TSPAN13: variants seen among roughly 807,000 people sequenced by gnomAD.
The protein encoded by TSPAN13 is tetraspanin 13, also known as tetraspanin-13.
TSPAN13 carries 18 observed loss-of-function variants against 26.9 expected under a neutral mutation model. That is an observed-to-expected ratio of 0.67 (90% CI 0.46 to 0.99). TSPAN13 has a LOEUF of 0.99. Ranked by LOEUF, TSPAN13 falls within the 50% of genes least tolerant of loss-of-function variation. The pLI, the probability that TSPAN13 is intolerant of heterozygous loss-of-function variation, is 0.00. For missense variants in TSPAN13, 201 were observed against 249.6 expected (o/e 0.81, Z 1.31); for synonymous variants, 116 against 98.4 (o/e 1.18, Z -1.06).
intron 5 of TSPAN13, among the ~76,000 whole-genome samples, chr7:16,781,427 T>C (rs1562521996): frequency 6.6e-6 from 1 of 152,246 alleles, no homozygotes; most frequent in South Asian, 2.1e-4. Context: ...TGACATCTAA[T>C]CAAAGTTACC....
chr7:16,763,770 G>A (rs557242260), intron 1 of TSPAN13, among the ~76,000 whole-genome samples: 7 of 152,322 alleles, frequency 4.6e-5, no homozygotes, highest in African/African-American at 1.7e-4. Context: ...TGCTGCTGCT[G>A]ATGGTCAGAG....
At chr7:16,758,001 T>G (rs1784500473) in intron 1 of TSPAN13, among the ~76,000 whole-genome samples, 1 of 152,104 alleles carries the variant, frequency 6.6e-6, no homozygotes, top group Non-Finnish European at 1.5e-5. Context: ...GTCCAGCTTA[T>G]TTTTTGTATT....
At chr7:16,757,463 G>T (rs1033241886) in intron 1 of TSPAN13, among the ~76,000 whole-genome samples, 2 of 151,988 alleles carry the variant, frequency 1.3e-5, no homozygotes, top group African/African-American at 2.4e-5. Flanking sequence ...GTGTCTCCTT[G>T]TGCTTCTTAA....
At chr7:16,777,963 T>C (rs545689394) in intron 4 of TSPAN13, 52 bp downstream of exon 4, 2 of 1,307,508 alleles carry the variant, frequency 1.5e-6, no homozygotes, top group African/African-American at 2.9e-5. Flanking sequence ...AGATAAATAA[T>C]GATTAATGTG....
intron 1 of TSPAN13, among the ~76,000 whole-genome samples, chr7:16,764,093 C>T (rs1222743460): frequency 6.6e-6 from 1 of 152,176 alleles, no homozygotes; most frequent in African/African-American, 2.4e-5. Flanking sequence ...TCTTGACTCA[C>T]CGCAACCTCT....
chr7:16,777,335 G>C (rs1313753423), intron 3 of TSPAN13, among the ~76,000 whole-genome samples: 1 of 152,124 alleles, frequency 6.6e-6, no homozygotes, highest in Non-Finnish European at 1.5e-5. Flanking sequence ...TTTTAAATCG[G>C]ATTTTGCTTT....
intron 3 of TSPAN13, among the ~76,000 whole-genome samples, 165 bp downstream of exon 3, chr7:16,777,287 G>A (rs1784761919): frequency 6.6e-6 from 1 of 152,206 alleles, no homozygotes; most frequent in Non-Finnish European, 1.5e-5. Flanking sequence ...GCAGCAGGTT[G>A]GAGCCGGACA....
chr7:16,771,158 G>T (rs926136870), intron 1 of TSPAN13, among the ~76,000 whole-genome samples: 6 of 152,192 alleles, frequency 3.9e-5, no homozygotes, highest in African/African-American at 1.4e-4. Flanking sequence ...TATGCTTACA[G>T]TTCTAGCTTT....
At chr7:16,766,895 CT>C (rs1203849720) in intron 1 of TSPAN13, among the ~76,000 whole-genome samples, 6 of 152,176 alleles carry the variant, frequency 3.9e-5, no homozygotes, top group African/African-American at 1.4e-4. Flanking sequence ...CCCCTGTGAA[CT>C]CACTGGCTTT....
chr7:16,775,740 A>G (rs1245820328), intron 1 of TSPAN13: 1 of 152,706 alleles, frequency 6.5e-6, no homozygotes, highest in Non-Finnish European at 1.5e-5. Flanking sequence ...CGGCCCGACA[A>G]CGGAGGGATT....
chr7:16,763,926 A>G (rs991473311), intron 1 of TSPAN13, among the ~76,000 whole-genome samples: 7 of 152,244 alleles, frequency 4.6e-5, no homozygotes, highest in Non-Finnish European at 8.8e-5. Flanking sequence ...CAATTTCTTC[A>G]TCATCTGCAA....
At chr7:16,770,587 G>A (rs1784663179) in intron 1 of TSPAN13, among the ~76,000 whole-genome samples, 1 of 152,110 alleles carries the variant, frequency 6.6e-6, no homozygotes, top group African/African-American at 2.4e-5. Context: ...AAGTTCTTGG[G>A]AGCTTTTATC....
intron 1 of TSPAN13, among the ~76,000 whole-genome samples, chr7:16,766,261 A>T (rs1184595939): frequency 6.6e-6 from 1 of 152,244 alleles, no homozygotes; most frequent in Admixed American, 6.5e-5. Flanking sequence ...TTCATTAGAA[A>T]ATTGATTAGC....
intron 1 of TSPAN13, among the ~76,000 whole-genome samples, chr7:16,767,574 A>C (rs1784620692): frequency 6.6e-6 from 1 of 152,156 alleles, no homozygotes; most frequent in Admixed American, 6.5e-5. Context: ...CTAGAAACAG[A>C]ATTGCTGGGG....
intron 5 of TSPAN13, among the ~76,000 whole-genome samples, chr7:16,780,545 AT>A (rs1381149579): frequency 1.3e-5 from 2 of 152,182 alleles, no homozygotes; most frequent in Middle Eastern, 3.2e-3. Context: ...CTTGACAAGA[AT>A]TCTGTGCATT....
At position 16,777,798 on chromosome 7, in the gene TSPAN13, G is replaced by A. The variant is rs1784770123; in HGVS notation, c.313G>A (p.Gly105Ser). Residue 105 changes from glycine to serine, a missense_variant and splice_region_variant, in exon 4 of 6, where the codon GGT becomes AGT. Coordinates refer to ENST00000262067, the MANE Select transcript of TSPAN13 (RefSeq NM_014399.4). ...TTTATATATTAAACACATTTACTAGGGTCAGCTTCTGGAGGTTGGTTGGAA... is the reference window on the plus strand; with the variant it reads ...TTTATATATTAAACACATTTACTAGAGTCAGCTTCTGGAGGTTGGTTGGAA... ...ACLALNQEQQGQLLEVGWNNT... is the reference protein window; with the variant it reads ...ACLALNQEQQSQLLEVGWNNT... 6.2e-7 allele frequency: 1 copy of A among 1,612,280 alleles called. No homozygotes were observed. The highest frequency in any genetic ancestry group is 1.7e-5 in the Admixed American group (1 of 59,914).
intron 1 of TSPAN13, among the ~76,000 whole-genome samples, chr7:16,764,518 C>T (rs763211028): frequency 3.3e-5 from 5 of 151,926 alleles, no homozygotes; most frequent in East Asian, 1.9e-4. Context: ...TGTGAATGTA[C>T]GTGTATGTGA....
In TSPAN13 at chr7:16,783,655, T is replaced by C. The variant is rs1454434574; in HGVS notation, c.*164T>C. On this transcript the variant is annotated 3_prime_UTR_variant, in exon 6 of 6. Coordinates refer to ENST00000262067, the MANE Select transcript of TSPAN13 (RefSeq NM_014399.4). ...TACTCTATGTTTCTCTACATGTTTT[T>C]TTCTTTCCGTTGCTGAAAAATATTT... 1.5e-6 allele frequency: 1 copy of C among 674,010 alleles called. No homozygotes were observed. The highest frequency in any genetic ancestry group is 1.8e-5 in the African/African-American group (1 of 55,678). The allele number at this position is 674,010 out of a possible 1,614,324, so 41.8% of individuals were successfully genotyped here.
intron 2 of TSPAN13, 127 bp from the exon 3 acceptor site, chr7:16,776,915 A>C (rs1413608617): frequency 1.4e-5 from 7 of 490,200 alleles, no homozygotes; most frequent in East Asian, 6.1e-5. Flanking sequence ...AACTTTCTCT[A>C]AGTGCCATCT....
Sources: gnomAD v4.1 joint callset for allele counts (sites outside exome capture counted in the v4.1 genomes callset) on GRCh38, gnomAD v4.1.1 for gene constraint, MANE v1.5 for transcripts, NCBI Gene and HGNC (gene_info 2026-07-23, HGNC 2026-07-21) for gene names.